Variants in TRIO observed in about 807,000 individuals in gnomAD.
TRIO encodes the protein trio Rho guanine nucleotide exchange factor.
Under a neutral mutation model 351.9 loss-of-function variants are expected in TRIO, and 58 were observed. The ratio of observed to expected loss-of-function variants is 0.16; its 90% CI spans 0.13 to 0.21. The LOEUF (loss-of-function observed/expected upper bound fraction) is 0.21. TRIO is among the 10% of genes least tolerant of loss of function. The pLI is 1.00. For synonymous variants in TRIO, 1,758 were observed against 1,595.7 expected (o/e 1.10, Z -2.42); for missense variants, 3,201 against 4,027.8 (o/e 0.79, Z 5.56).
chr5:14,507,058 A>G (rs1183046922), intron 55 of TRIO, 64 bp from the exon 56 acceptor site: 2 of 1,507,662 alleles, frequency 1.3e-6, no homozygotes, highest in Non-Finnish European at 1.8e-6. Context: ...TTTACTTCTT[A>G]CTAGCCCAAA....
At chr5:14,274,043 TTAAATG>T (rs1265872518) in intron 2 of TRIO, among the ~76,000 whole-genome samples, 1 of 152,210 alleles carries the variant, frequency 6.6e-6, no homozygotes, top group Non-Finnish European at 1.5e-5. Context: ...TATTTATCTC[TTAAATG>T]TAAATGTTAT....
At chr5:14,381,085 A>AAGGG (rs1235496324) in intron 20 of TRIO, 45 bp from the exon 21 acceptor site, 2 of 1,582,972 alleles carry the variant, frequency 1.3e-6, no homozygotes, top group Non-Finnish European at 1.7e-6. Context: ...GGCTCCTCTC[A>AAGGG]GGAATGTGTA....
At chr5:14,388,528 C>G in intron 23 of TRIO, 85 bp from the exon 24 acceptor site, 1 of 1,326,962 alleles carries the variant, frequency 7.5e-7, no homozygotes, top group Non-Finnish European at 1.1e-6. Context: ...TTTAGACCCA[C>G]TCTGTTATTT....
intron 31 of TRIO, among the ~76,000 whole-genome samples, chr5:14,403,113 G>A (rs1748249335): frequency 6.8e-6 from 1 of 147,694 alleles, no homozygotes; most frequent in African/African-American, 2.5e-5. Flanking sequence ...CATAGGTTGT[G>A]AGGGTGCAGG....
chr5:14,375,871 G>T (rs148982762), intron 19 of TRIO, among the ~76,000 whole-genome samples: 16 of 152,332 alleles, frequency 1.1e-4, no homozygotes, highest in Non-Finnish European at 8.8e-5. Context: ...GCAGACTTCA[G>T]ATTTCAAAGT....
At chr5:14,365,885 A>C (rs1480079717) in intron 15 of TRIO, among the ~76,000 whole-genome samples, 1 of 152,138 alleles carries the variant, frequency 6.6e-6, no homozygotes, top group Non-Finnish European at 1.5e-5. Context: ...AATTATCAGG[A>C]AGGGGAACGC....
At chr5:14,352,799 G>A (rs372377190) in intron 11 of TRIO, among the ~76,000 whole-genome samples, 25 of 152,170 alleles carry the variant, frequency 1.6e-4, no homozygotes, top group African/African-American at 5.5e-4. Context: ...CTCAGTACCC[G>A]CGCTGGTTTC....
chr5:14,471,509 G>A lies in TRIO; in HGVS notation c.5912+43G>A, dbSNP rs369087014. 4.1e-5 allele frequency: 66 copies of A among 1,607,306 alleles called. 2 individuals carry two copies. The African/African-American group carries it at 4.3e-4, about 10-fold the overall frequency. ...TCATTCTTATTGTTCTCTGGGTTCCGTCCTGTCTTTGTTGCCTTCAAAAAT... is the reference window on the plus strand; with the variant it reads ...TCATTCTTATTGTTCTCTGGGTTCCATCCTGTCTTTGTTGCCTTCAAAAAT... On this transcript the variant is annotated intron_variant, in intron 38 of 56. Transcript: ENST00000344204.
chr5:14,215,369 A>G (rs1314343508), intron 1 of TRIO, among the ~76,000 whole-genome samples: 2 of 152,230 alleles, frequency 1.3e-5, no homozygotes, highest in Non-Finnish European at 2.9e-5. Flanking sequence ...TTATTGGTGT[A>G]TAATGACAAA....
chr5:14,309,828 C>G (rs550873450), intron 8 of TRIO, among the ~76,000 whole-genome samples: 1 of 152,280 alleles, frequency 6.6e-6, no homozygotes, highest in Admixed American at 6.5e-5. Flanking sequence ...TTCCTTGCCT[C>G]TCTCTTCCTG....
intron 1 of TRIO, among the ~76,000 whole-genome samples, chr5:14,156,082 T>G (rs1788089578): frequency 6.6e-6 from 1 of 152,204 alleles, no homozygotes; most frequent in Admixed American, 6.5e-5. Context: ...TGAGCTATGA[T>G]CTTTTGCTGT....
At chr5:14,437,017 A>AT (rs1751639556) in intron 34 of TRIO, among the ~76,000 whole-genome samples, 1 of 152,184 alleles carries the variant, frequency 6.6e-6, no homozygotes, top group South Asian at 2.1e-4. Context: ...ATGACTTTAC[A>AT]TCATACTGAA....
chr5:14,282,105 G>C (rs1280914753), intron 3 of TRIO, among the ~76,000 whole-genome samples: 1 of 152,140 alleles, frequency 6.6e-6, no homozygotes, highest in Non-Finnish European at 1.5e-5. Flanking sequence ...ATCACTGTGT[G>C]GCATCAGTGA....
chr5:14,354,037 C>A (rs540576926), intron 11 of TRIO, among the ~76,000 whole-genome samples: 18 of 152,316 alleles, frequency 1.2e-4, no homozygotes, highest in Admixed American at 5.9e-4. Context: ...AGTGAGGCCT[C>A]ACAGTGAGTC....
chr5:14,352,357 A>T (rs1057199318), intron 11 of TRIO, among the ~76,000 whole-genome samples: 2 of 152,178 alleles, frequency 1.3e-5, no homozygotes, highest in African/African-American at 4.8e-5. Context: ...CTTCCATAGG[A>T]CACAACTCTC....
chr5:14,259,433 G>T (rs73057575), intron 1 of TRIO, among the ~76,000 whole-genome samples: 2 of 152,214 alleles, frequency 1.3e-5, no homozygotes, highest in Non-Finnish European at 2.9e-5. Flanking sequence ...TGTTTTCTGC[G>T]TTAGCAGATG....
chr5:14,464,753 C>G (rs1754122738), intron 36 of TRIO, among the ~76,000 whole-genome samples: 1 of 152,232 alleles, frequency 6.6e-6, no homozygotes, highest in Non-Finnish European at 1.5e-5. Flanking sequence ...TGCCTCGCCG[C>G]TGTCCTTAAT....
At chr5:14,152,944 A>G (rs1787921594) in intron 1 of TRIO, among the ~76,000 whole-genome samples, 1 of 152,212 alleles carries the variant, frequency 6.6e-6, no homozygotes, top group African/African-American at 2.4e-5. Context: ...TACTTTTCCA[A>G]TATTTAATTG....
chr5:14,369,440 G>A lies in TRIO; in HGVS notation c.3133G>A (p.Asp1045Asn). ...KREEDWCGGA[D>N]KLGPNSETDH... ...AGAAGAAGACTGGTGTGGCGGGGCGGATAAGCTGGGCCCAAACTCTGAGAC... is the reference window on the plus strand; with the variant it reads ...AGAAGAAGACTGGTGTGGCGGGGCGAATAAGCTGGGCCCAAACTCTGAGAC... The change falls in exon 18 of 57, where the codon GAT (aspartate) becomes AAT (asparagine). Residue 1045 changes from aspartate to asparagine, a missense_variant. Physicochemically the swap from Asp to Asn is conservative, Grantham distance 23. Coordinates refer to ENST00000344204, the MANE Select transcript of TRIO (RefSeq NM_007118.4). 1.2e-6 allele frequency: 2 copies of A among 1,614,142 alleles called. No individual in the cohort carries two copies. Among genetic ancestry groups the A allele is most frequent in the Non-Finnish European group, 1.7e-6 (2 of 1,180,008 alleles).
Sources: gnomAD v4.1 joint callset for allele counts (sites outside exome capture counted in the v4.1 genomes callset) on GRCh38, gnomAD v4.1.1 for gene constraint, MANE v1.5 for transcripts, NCBI Gene and HGNC (gene_info 2026-07-23, HGNC 2026-07-21) for gene names.